ENKUR: variants seen among roughly 807,000 people sequenced by gnomAD.
ENKUR encodes the protein enkurin, TRPC channel interacting protein, also known as enkurin.
ENKUR carries 19 observed loss-of-function variants against 27.6 expected under a neutral mutation model. The ratio of observed to expected loss-of-function variants is 0.69; its 90% CI spans 0.48 to 1.01. The LOEUF is 1.01. Ranked by LOEUF, ENKUR falls within the 50% of genes least tolerant of loss-of-function variation. The pLI is 0.00. For synonymous variants in ENKUR, 117 were observed against 96.9 expected (o/e 1.21, Z -1.22); for missense variants, 312 against 310.5 (o/e 1.00, Z -0.04).
chr10:25,025,484 G>T lies in ENKUR; in HGVS notation c.38-29615C>A, dbSNP rs201696332. The stretch of plus-strand genomic sequence containing the variant: ...CTTTCAGAGTAAATTTTTTTTTCTA[G>T]CTATAAGCATGCAATAATAAATCTC... On this transcript the variant is annotated intron_variant, in intron 2 of 5. Transcript: ENST00000615958. The T allele has an allele frequency of 1.2e-5, 18 of 1,564,902 alleles. No homozygotes were observed. In the African/African-American group the frequency reaches 2.1e-4, roughly 18 times the overall value.
chr10:25,059,841 A>G (rs1851306795), intron 2 of ENKUR, among the ~76,000 whole-genome samples: 1 of 151,804 alleles, frequency 6.6e-6, no homozygotes, highest in Non-Finnish European at 1.5e-5. Flanking sequence ...AAAAAAAAGA[A>G]GGAAAGAAAT....
intron 1 of ENKUR, among the ~76,000 whole-genome samples, chr10:25,005,741 C>T (rs1057266308): frequency 6.6e-6 from 1 of 152,196 alleles, no homozygotes; most frequent in African/African-American, 2.4e-5. Context: ...GCCAATTCTT[C>T]CCCCAGCCTG....
intron 2 of ENKUR, among the ~76,000 whole-genome samples, chr10:25,060,708 C>T (rs1248623157): frequency 4.6e-5 from 7 of 151,906 alleles, no homozygotes; most frequent in Non-Finnish European, 7.4e-5. Flanking sequence ...GTAAAACCCA[C>T]GTGTTTTTGT....
intron 2 of ENKUR, among the ~76,000 whole-genome samples, chr10:24,998,983 G>A (rs149411696): frequency 6.6e-6 from 1 of 152,314 alleles, no homozygotes; most frequent in African/African-American, 2.4e-5. Context: ...GAGCCCAGTA[G>A]TTGCTTCAAC....
At chr10:25,031,146 C>A (rs1429623385) in intron 2 of ENKUR, among the ~76,000 whole-genome samples, 1 of 152,110 alleles carries the variant, frequency 6.6e-6, no homozygotes, top group Non-Finnish European at 1.5e-5. Context: ...TAATTAAAGA[C>A]AATGCTCAGT....
chr10:24,996,074 G>A (rs773730841), intron 2 of ENKUR, among the ~76,000 whole-genome samples: 7 of 151,944 alleles, frequency 4.6e-5, no homozygotes, highest in Admixed American at 2.0e-4. Context: ...TGTCAATCAG[G>A]CCTCAATAAA....
chr10:25,053,677 A>G (rs535717865), intron 2 of ENKUR, among the ~76,000 whole-genome samples: 1 of 152,248 alleles, frequency 6.6e-6, no homozygotes, highest in African/African-American at 2.4e-5. Flanking sequence ...ACTGCACCAT[A>G]ATTTATTCAA....
intron 3 of ENKUR, 73 bp downstream of exon 3, chr10:24,995,573 T>C: frequency 1.5e-6 from 2 of 1,299,962 alleles, no homozygotes; most frequent in Non-Finnish European, 2.2e-6. Flanking sequence ...AATGATAACA[T>C]AGATGATCAT....
intron 2 of ENKUR, among the ~76,000 whole-genome samples, chr10:25,060,123 A>G (rs1447860718): frequency 6.6e-6 from 1 of 152,118 alleles, no homozygotes; most frequent in Non-Finnish European, 1.5e-5. Flanking sequence ...TGTGAAGCCG[A>G]CCTGTCTGTA....
intron 4 of ENKUR, among the ~76,000 whole-genome samples, chr10:24,986,717 A>C (rs892511655): frequency 1.3e-5 from 2 of 152,220 alleles, no homozygotes; most frequent in Non-Finnish European, 2.9e-5. Context: ...AGTGTGTACA[A>C]TAACGTTTGG....
At chr10:25,028,681 C>T (rs533667597) in intron 2 of ENKUR, among the ~76,000 whole-genome samples, 13 of 152,294 alleles carry the variant, frequency 8.5e-5, no homozygotes, top group South Asian at 6.2e-4. Flanking sequence ...CATACATGGT[C>T]TCCACTTTCC....
intron 4 of ENKUR, among the ~76,000 whole-genome samples, chr10:24,987,221 C>T (rs1266360532): frequency 6.6e-6 from 1 of 152,232 alleles, no homozygotes; most frequent in African/African-American, 2.4e-5. Flanking sequence ...GACAACACTG[C>T]TTCTTGTGCC....
At chr10:24,988,452 T>C (rs945775235) in intron 4 of ENKUR, among the ~76,000 whole-genome samples, 4 of 146,208 alleles carry the variant, frequency 2.7e-5, no homozygotes, top group African/African-American at 7.4e-5. Flanking sequence ...ATTGTACATA[T>C]GTTATATATA....
chr10:24,995,031 T>C (rs1041630534), intron 3 of ENKUR, among the ~76,000 whole-genome samples: 4 of 152,128 alleles, frequency 2.6e-5, no homozygotes, highest in Non-Finnish European at 5.9e-5. Flanking sequence ...AAAAAAAATC[T>C]ATATTTAAAC....
chr10:25,055,680 A>C (rs918268715), intron 2 of ENKUR, among the ~76,000 whole-genome samples: 3 of 152,222 alleles, frequency 2.0e-5, no homozygotes, highest in South Asian at 2.1e-4. Context: ...TCGATTTTTA[A>C]AATTTGGGAT....
intron 3 of ENKUR, among the ~76,000 whole-genome samples, chr10:24,991,582 T>C (rs1216859932): frequency 6.6e-6 from 1 of 151,848 alleles, no homozygotes; most frequent in Non-Finnish European, 1.5e-5. Flanking sequence ...TTGGCCGGGG[T>C]GGTGGGAGGA....
upstream of ENKUR, among the ~76,000 whole-genome samples, chr10:25,018,724 G>GA (rs1397385698): frequency 1.4e-5 from 2 of 143,188 alleles, no homozygotes; most frequent in African/African-American, 5.1e-5. Flanking sequence ...AATGGGTGTA[G>GA]ATGAGTATAT....
intron 2 of ENKUR, among the ~76,000 whole-genome samples, chr10:25,059,809 G>A (rs1233425167): frequency 6.6e-6 from 1 of 151,668 alleles, no homozygotes; most frequent in African/African-American, 2.4e-5. Context: ...GGGTGACAGT[G>A]CAAGACCAGT....
In ENKUR at chr10:25,025,423, G is replaced by A; in HGVS notation, c.38-29554C>T. On this transcript the variant is annotated intron_variant, in intron 2 of 5. Coordinates refer to the ENKUR transcript ENST00000615958. ...TGATATGAATGTCTTGAAGAGTCATGTGGAACAACTTGTCCAAAATCAATT... is the reference window on the plus strand; with the variant it reads ...TGATATGAATGTCTTGAAGAGTCATATGGAACAACTTGTCCAAAATCAATT... The A allele has an allele frequency of 1.9e-6, 3 of 1,610,496 alleles. No individual in the cohort carries two copies. Among genetic ancestry groups the A allele is most frequent in the Non-Finnish European group, 2.5e-6 (3 of 1,178,696 alleles).
Sources: gnomAD v4.1 joint callset for allele counts (sites outside exome capture counted in the v4.1 genomes callset) on GRCh38, gnomAD v4.1.1 for gene constraint, MANE v1.5 for transcripts, NCBI Gene and HGNC (gene_info 2026-07-23, HGNC 2026-07-21) for gene names.